FDFT1: variants seen among roughly 807,000 people sequenced by gnomAD.
The protein encoded by FDFT1 is squalene synthase.
FDFT1 carries 68 observed loss-of-function variants against 46.8 expected under a neutral mutation model. That is an observed-to-expected ratio of 1.45 (90% CI 1.19 to 1.78). FDFT1 has a LOEUF of 1.78. Among genes scored for constraint, FDFT1 ranks in the 40% most tolerant of loss-of-function variants. The pLI, the probability that FDFT1 is intolerant of heterozygous loss-of-function variation, is 0.00. For synonymous variants in FDFT1, 351 were observed against 185.1 expected (o/e 1.90, Z -7.28); for missense variants, 928 against 524.4 (o/e 1.77, Z -7.52).
chr8:11,825,727 G>A (rs574150265), intron 4 of FDFT1, among the ~76,000 whole-genome samples: 1 of 151,770 alleles, frequency 6.6e-6, no homozygotes, highest in Non-Finnish European at 1.5e-5. Flanking sequence ...ATGTTTACTA[G>A]TTTTTTTCAG....
In FDFT1 at chr8:11,806,823, C is replaced by T. The variant is rs572942734; in HGVS notation, c.100-1971C>T. Among the ~76,000 whole-genome samples, 207 of 152,232 alleles carry T rather than the reference C, an allele frequency of 1.4e-3. 3 individuals carry two copies. The highest frequency in any genetic ancestry group is 1.9e-4 in the East Asian group (1 of 5,182). ...AGTTGGTGAATTGTTTTAAAATCCT[C>T]GATGAATGTCTTCATTTATTCATGA... is the stretch of plus-strand genomic sequence containing the variant. On this transcript the variant is annotated intron_variant, in intron 1 of 7. Coordinates refer to ENST00000220584, the MANE Select transcript of FDFT1 (RefSeq NM_004462.5).
chr8:11,831,303 C>G lies in FDFT1; in HGVS notation c.880-215C>G, dbSNP rs148453824. On this transcript the variant is annotated intron_variant, in intron 6 of 7. Coordinates refer to ENST00000220584, the MANE Select transcript of FDFT1 (RefSeq NM_004462.5). ...GGCTACATTATAGAATTGTTTTAGACTGCTTAATTCTGTGTGTTGTTGAGA... is the reference window on the plus strand; with the variant it reads ...GGCTACATTATAGAATTGTTTTAGAGTGCTTAATTCTGTGTGTTGTTGAGA... Among the ~76,000 whole-genome samples the G allele has an allele frequency of 2.5e-3, 388 of 152,240 alleles. 3 individuals are homozygous for G. The highest frequency in any genetic ancestry group is 7.5e-3 in the African/African-American group (310 of 41,540).
At chr8:11,804,351 G>T (rs369401937) in intron 1 of FDFT1, among the ~76,000 whole-genome samples, 3 of 152,122 alleles carry the variant, frequency 2.0e-5, no homozygotes, top group South Asian at 4.1e-4. Flanking sequence ...AGGGAAAGTG[G>T]GTGGTCATGG....
chr8:11,809,735 G>T lies in FDFT1; in HGVS notation c.266G>T (p.Ser89Ile). The change falls in exon 3 of 8, where the codon AGT (serine) becomes ATT (isoleucine). Residue 89 changes from serine to isoleucine, a missense_variant. Ser to Ile is a moderately radical substitution (Grantham distance 142). Coordinates refer to ENST00000220584, the MANE Select transcript of FDFT1 (RefSeq NM_004462.5). ...ACACTGGAAGATGACATGACCATCA[G>T]TGTGGAAAAGAAGGTCCCGCTGTTA... is the stretch of plus-strand genomic sequence containing the variant. ...LDTLEDDMTI[S>I]VEKKVPLLHN... 1.9e-6 allele frequency: 3 copies of T among 1,614,142 alleles called. No individual in the cohort carries two copies. The highest frequency in any genetic ancestry group is 2.5e-6 in the Non-Finnish European group (3 of 1,179,970).
At position 11,830,389 on chromosome 8, in the gene FDFT1, A is replaced by G. The variant is rs748591914; in HGVS notation, c.848A>G (p.Gln283Arg). The change falls in exon 6 of 8, where the codon CAG (glutamine) becomes CGG (arginine). Residue 283 changes from glutamine to arginine, a missense_variant. By Grantham distance (43) the Gln-to-Arg change is conservative (BLOSUM62 1). Coordinates refer to ENST00000220584, the MANE Select transcript of FDFT1 (RefSeq NM_004462.5). The stretch of plus-strand genomic sequence containing the variant: ...ACCTACCTTTCGAGACTCAGAAACC[A>G]GAGTGTGTTTAACTTCTGTGCTATT... Reference protein sequence around the residue: ...VITYLSRLRNQSVFNFCAIPQ... With the variant: ...VITYLSRLRNRSVFNFCAIPQ... The G allele has an allele frequency of 1.9e-6, 3 of 1,613,666 alleles. No homozygotes were observed. Among genetic ancestry groups the G allele is most frequent in the Admixed American group, 1.7e-5 (1 of 59,984 alleles).
intron 3 of FDFT1, among the ~76,000 whole-genome samples, chr8:11,810,553 T>A (rs780554925): frequency 1.3e-5 from 2 of 152,212 alleles, no homozygotes; most frequent in Non-Finnish European, 2.9e-5. Flanking sequence ...ACAGGGTAAG[T>A]ATTCTGTAAG....
At chr8:11,798,404 G>T (rs1180664581), upstream of FDFT1, among the ~76,000 whole-genome samples, 1 of 152,224 alleles carries the variant, frequency 6.6e-6, no homozygotes, top group Non-Finnish European at 1.5e-5. Flanking sequence ...ATATGGGAAA[G>T]GACAGGGGAA....
At chr8:11,799,394 A>G (rs1805877308), upstream of FDFT1, among the ~76,000 whole-genome samples, 1 of 152,252 alleles carries the variant, frequency 6.6e-6, no homozygotes, top group African/African-American at 2.4e-5. Context: ...GAGAAAAAGA[A>G]GAGCCCTGTG....
At chr8:11,825,890 A>G (rs2130840469) in intron 4 of FDFT1, 134 bp from the exon 5 acceptor site, 1 of 498,938 alleles carries the variant, frequency 2.0e-6, no homozygotes, top group Non-Finnish European at 3.5e-6. Flanking sequence ...TGGTATGTAT[A>G]TTTGTATTTT....
At chr8:11,831,010 C>T (rs138554159) in intron 6 of FDFT1, among the ~76,000 whole-genome samples, 4 of 152,266 alleles carry the variant, frequency 2.6e-5, no homozygotes, top group East Asian at 1.9e-4. Flanking sequence ...AAATCTGTAT[C>T]GCCGTCTTAT....
intron 5 of FDFT1, 44 bp from the exon 6 acceptor site, chr8:11,830,200 C>T (rs779791237): frequency 1.6e-5 from 23 of 1,452,722 alleles, no homozygotes; most frequent in East Asian, 2.3e-5. Context: ...AAATTCTCCC[C>T]TATGCACACG....
At chr8:11,827,421 G>A (rs540909906) in intron 5 of FDFT1, among the ~76,000 whole-genome samples, 1 of 152,094 alleles carries the variant, frequency 6.6e-6, no homozygotes, top group Admixed American at 6.6e-5. Flanking sequence ...GGGAGGCTAA[G>A]GCACAAGGAT....
chr8:11,824,453 T>G (rs1313977797), intron 4 of FDFT1, among the ~76,000 whole-genome samples: 1 of 152,166 alleles, frequency 6.6e-6, no homozygotes, highest in African/African-American at 2.4e-5. Context: ...GCCTGACACT[T>G]AAGTCATACT....
intron 6 of FDFT1, among the ~76,000 whole-genome samples, chr8:11,831,078 G>C (rs1810714352): frequency 6.6e-6 from 1 of 152,078 alleles, no homozygotes; most frequent in Admixed American, 6.6e-5. Context: ...TCCCCTTCTG[G>C]TTGTTCTCCC....
At chr8:11,816,148 T>G (rs774695776) in intron 3 of FDFT1, among the ~76,000 whole-genome samples, 2 of 152,242 alleles carry the variant, frequency 1.3e-5, no homozygotes, top group Non-Finnish European at 2.9e-5. Flanking sequence ...TGCTTGTTTT[T>G]GTCAGGTTTG....
intron 1 of FDFT1, chr8:11,808,358 G>A (rs1807163543): frequency 8.1e-7 from 1 of 1,234,672 alleles, no homozygotes; most frequent in Non-Finnish European, 1.0e-6. Flanking sequence ...GGTGCGGAGC[G>A]GGAGGCCGGG....
At chr8:11,795,600 C>A (rs938837270) in exon 1 of FDFT1, 1 of 147,422 alleles carries the variant, frequency 6.8e-6, no homozygotes, top group East Asian at 2.0e-4. Context: ...GCTGGGTTTG[C>A]TTTACAACGC....
rs2130702394 is a variant in FDFT1, at chr8:11,807,166, T to C, written c.100-1628T>C. ...CTCCTATTGGATATTTGTTTTTTATTTTTTTGAGATGGGGTCCCACTCTGC... is the reference window on the plus strand; with the variant it reads ...CTCCTATTGGATATTTGTTTTTTATCTTTTTGAGATGGGGTCCCACTCTGC... On this transcript the variant is annotated intron_variant, in intron 1 of 7. Coordinates refer to ENST00000220584, the MANE Select transcript of FDFT1 (RefSeq NM_004462.5). Among the ~76,000 whole-genome samples the C allele has an allele frequency of 1.3e-5, 2 of 152,278 alleles. 1 individual carries two copies. The highest frequency in any genetic ancestry group is 6.8e-3 in the Middle Eastern group (2 of 294).
At chr8:11,820,584 C>T (rs988156411) in intron 3 of FDFT1, among the ~76,000 whole-genome samples, 12 of 152,278 alleles carry the variant, frequency 7.9e-5, no homozygotes, top group South Asian at 4.1e-4. Context: ...GGCGGGGAGG[C>T]GCTTCCCCTC....
Sources: allele counts gnomAD v4.1 joint callset (sites outside exome capture counted in the v4.1 genomes callset), GRCh38; gene constraint gnomAD v4.1.1; transcripts MANE v1.5; gene names NCBI Gene and HGNC (gene_info 2026-07-23, HGNC 2026-07-21).